The following PPP3CA variants were observed in gnomAD, a reference collection of about 807,000 sequenced individuals.
PPP3CA encodes CAM-PRP catalytic subunit.
PPP3CA carries 14 observed loss-of-function variants against 66.5 expected under a neutral mutation model. That is an observed-to-expected ratio of 0.21 (90% CI 0.14 to 0.33). The LOEUF (loss-of-function observed/expected upper bound fraction) is 0.33. Ranked by LOEUF, PPP3CA falls within the 10% of genes least tolerant of loss-of-function variation. The pLI, the probability that PPP3CA is intolerant of heterozygous loss-of-function variation, is 1.00. For missense variants in PPP3CA, 317 were observed against 639.5 expected, an observed-to-expected ratio of 0.50 and a Z score of 5.44; for synonymous variants, 232 against 226.2, an observed-to-expected ratio of 1.03 and a Z score of -0.23.
chr4:101,247,931 T>A (rs1726541973), intron 1 of PPP3CA, among the ~76,000 whole-genome samples: 1 of 152,178 alleles, frequency 6.6e-6, no homozygotes, highest in East Asian at 1.9e-4. Flanking sequence ...ACTCTATATA[T>A]GTGTGTATAC....
chr4:101,131,126 C>T (rs1722417303), intron 2 of PPP3CA, among the ~76,000 whole-genome samples: 5 of 151,976 alleles, frequency 3.3e-5, no homozygotes, highest in Admixed American at 2.0e-4. Flanking sequence ...ATTCCCAGCT[C>T]TTGGAAGGCT....
At chr4:101,187,957 G>A (rs531454678) in intron 2 of PPP3CA, among the ~76,000 whole-genome samples, 21 of 152,204 alleles carry the variant, frequency 1.4e-4, no homozygotes, top group African/African-American at 4.8e-4. Flanking sequence ...ACAAATGTCT[G>A]CATGTCATTT....
chr4:101,029,347 T>TAAAAAAAAAAAAAAA (rs34620032), intron 12 of PPP3CA, 152 bp from the exon 13 acceptor site: 8 of 78,820 alleles, frequency 1.0e-4, no homozygotes, highest in African/African-American at 2.1e-4. Flanking sequence ...ACAGAAATGC[T>TAAAAAAAAAAAAAAA]AAAAAAAAAA....
intron 1 of PPP3CA, among the ~76,000 whole-genome samples, chr4:101,283,134 C>T (rs752064404): frequency 1.8e-4 from 27 of 152,178 alleles, no homozygotes; most frequent in Non-Finnish European, 3.4e-4. Flanking sequence ...ATTAGTATTA[C>T]CACTTTACAG....
chr4:101,182,065 T>A (rs904710404), intron 2 of PPP3CA, among the ~76,000 whole-genome samples: 4 of 152,184 alleles, frequency 2.6e-5, no homozygotes, highest in Admixed American at 2.0e-4. Flanking sequence ...GAAAGCAGCC[T>A]TAATTTTTCT....
At chr4:101,266,275 GAAT>G (rs1281723821) in intron 1 of PPP3CA, among the ~76,000 whole-genome samples, 1 of 151,990 alleles carries the variant, frequency 6.6e-6, no homozygotes, top group African/African-American at 2.4e-5. Flanking sequence ...AAAATAAAGA[GAAT>G]AAAAGTTGCA....
chr4:101,297,029 C>T (rs1252312641), intron 1 of PPP3CA, among the ~76,000 whole-genome samples: 1 of 152,160 alleles, frequency 6.6e-6, no homozygotes, highest in African/African-American at 2.4e-5. Flanking sequence ...CAATATCATT[C>T]TAGGAACTTA....
intron 1 of PPP3CA, among the ~76,000 whole-genome samples, chr4:101,321,900 C>T (rs554700841): frequency 6.6e-6 from 1 of 152,182 alleles, no homozygotes; most frequent in East Asian, 1.9e-4. Flanking sequence ...GTGGCTGTTG[C>T]AACAGAGGAT....
chr4:101,263,115 T>A (rs1295435192), intron 1 of PPP3CA, among the ~76,000 whole-genome samples: 1 of 152,184 alleles, frequency 6.6e-6, no homozygotes, highest in East Asian at 1.9e-4. Flanking sequence ...GAGAGATATT[T>A]TTCATTTTCT....
chr4:101,195,010 T>A, intron 2 of PPP3CA, among the ~76,000 whole-genome samples: 1 of 152,102 alleles, frequency 6.6e-6, no homozygotes, highest in Non-Finnish European at 1.5e-5. Flanking sequence ...TGGTGGCTTA[T>A]GCCTGTAATC....
chr4:101,223,272 C>T (rs1725680825), intron 1 of PPP3CA, among the ~76,000 whole-genome samples: 1 of 151,754 alleles, frequency 6.6e-6, no homozygotes, highest in South Asian at 2.1e-4. Context: ...AACTATCTCA[C>T]TTAAAAGGGC....
intron 6 of PPP3CA, among the ~76,000 whole-genome samples, chr4:101,087,627 A>G (rs867771962): frequency 6.6e-6 from 1 of 151,976 alleles, no homozygotes; most frequent in African/African-American, 2.4e-5. Context: ...ATCTTCAACC[A>G]TGTTGTTATG....
chr4:101,212,898 A>G (rs764160053), intron 1 of PPP3CA, among the ~76,000 whole-genome samples: 2 of 152,078 alleles, frequency 1.3e-5, no homozygotes, highest in Non-Finnish European at 2.9e-5. Flanking sequence ...AAACGGTTAA[A>G]TTTATTTATT....
At chr4:101,280,967 GA>G (rs1231805902) in intron 1 of PPP3CA, among the ~76,000 whole-genome samples, 1 of 150,810 alleles carries the variant, frequency 6.6e-6, no homozygotes, top group South Asian at 2.1e-4. Flanking sequence ...GAAGAAATAG[GA>G]AAAAAAAATG....
chr4:101,109,308 TAA>T (rs70961775), intron 2 of PPP3CA, among the ~76,000 whole-genome samples: 25,464 of 90,586 alleles, frequency 0.28, 1,991 homozygotes, highest in Middle Eastern at 0.3. Context: ...ACAGATTAAC[TAA>T]AAAAAAAAAA....
chr4:101,208,502 T>C (rs1725203952), intron 1 of PPP3CA, among the ~76,000 whole-genome samples: 1 of 152,192 alleles, frequency 6.6e-6, no homozygotes, highest in Non-Finnish European at 1.5e-5. Context: ...CATATTTCAG[T>C]GTGCATATAT....
chr4:101,275,090 C>G (rs920968203), intron 1 of PPP3CA, among the ~76,000 whole-genome samples: 1 of 152,186 alleles, frequency 6.6e-6, no homozygotes, highest in African/African-American at 2.4e-5. Flanking sequence ...CCTACTTCCT[C>G]ATTAGCCTCA....
chr4:101,052,488 G>C (rs987803384), intron 10 of PPP3CA, among the ~76,000 whole-genome samples: 1 of 151,404 alleles, frequency 6.6e-6, no homozygotes, highest in Non-Finnish European at 1.5e-5. Context: ...CTTTATAAAG[G>C]GTATAAGAAA....
At chr4:101,051,406 A>G (rs1728004003) in intron 10 of PPP3CA, among the ~76,000 whole-genome samples, 1 of 152,198 alleles carries the variant, frequency 6.6e-6, no homozygotes, top group Admixed American at 6.6e-5. Flanking sequence ...TTACTCTAAT[A>G]AAAGTACAAT....
Sources: allele counts gnomAD v4.1 joint callset (sites outside exome capture counted in the v4.1 genomes callset), GRCh38; gene constraint gnomAD v4.1.1; transcripts MANE v1.5; gene names NCBI Gene and HGNC (gene_info 2026-07-23, HGNC 2026-07-21).